Variants in COL13A1 observed in about 807,000 individuals in gnomAD.
The protein encoded by COL13A1 is collagen alpha-1(XIII) chain.
A neutral mutation model predicts 130.9 loss-of-function variants in COL13A1; 89 were observed. That is an observed-to-expected ratio of 0.68 (90% CI 0.57 to 0.81). COL13A1 has a LOEUF of 0.81. Ranked by LOEUF, COL13A1 falls within the 30% of genes least tolerant of loss-of-function variation. The pLI is 0.00. For missense variants in COL13A1, 879 were observed against 934.6 expected (o/e 0.94, Z 0.78); for synonymous variants, 402 against 341.6 (o/e 1.18, Z -1.95).
intron 7 of COL13A1, among the ~76,000 whole-genome samples, chr10:69,886,825 C>T (rs1589296991): frequency 6.6e-6 from 1 of 152,166 alleles, no homozygotes; most frequent in African/African-American, 2.4e-5. Flanking sequence ...CTTCTAGTCT[C>T]CGTCCTAAAT....
chr10:69,897,532 G>A (rs1449472223), intron 13 of COL13A1: 1 of 1,613,914 alleles, frequency 6.2e-7, no homozygotes, highest in Non-Finnish European at 8.5e-7. Context: ...TGCCCTGAAG[G>A]TTTGTAGGTT....
chr10:69,806,549 G>A (rs945983181), intron 1 of COL13A1, among the ~76,000 whole-genome samples: 2 of 152,204 alleles, frequency 1.3e-5, no homozygotes, highest in Admixed American at 6.5e-5. Flanking sequence ...CCCCATCAGC[G>A]CCTCTCTCCT....
intron 2 of COL13A1, among the ~76,000 whole-genome samples, chr10:69,846,691 C>G (rs1853201717): frequency 6.6e-6 from 1 of 152,240 alleles, no homozygotes; most frequent in African/African-American, 2.4e-5. Flanking sequence ...CTTCCTCCCT[C>G]CAGTGCTCCC....
At chr10:69,943,006 C>A (rs1203677861) in intron 35 of COL13A1, among the ~76,000 whole-genome samples, 52 of 152,316 alleles carry the variant, frequency 3.4e-4, no homozygotes, top group Non-Finnish European at 1.2e-4. Flanking sequence ...CACCACCATG[C>A]CGGACTAAAT....
chr10:69,852,752 G>A (rs765373448), intron 2 of COL13A1, among the ~76,000 whole-genome samples: 5 of 152,272 alleles, frequency 3.3e-5, no homozygotes, highest in African/African-American at 7.2e-5. Context: ...CCCATTTTGG[G>A]AGACCCCAGT....
chr10:69,942,351 C>T (rs949468554), intron 35 of COL13A1, among the ~76,000 whole-genome samples: 3 of 152,130 alleles, frequency 2.0e-5, no homozygotes, highest in African/African-American at 7.2e-5. Flanking sequence ...TGGCTTTGCT[C>T]CTTCGCCACA....
rs200604251 is a variant in COL13A1 at position 69,944,172 on chromosome 10, C to T, written c.1962C>T (p.Gly654=). The T allele has an allele frequency of 3.4e-5, 55 of 1,613,454 alleles. No homozygotes were observed. The highest frequency in any genetic ancestry group is 4.6e-5 in the Non-Finnish European group (54 of 1,179,688). ...TTCCAGGCCCAGCGGGACCAAAGGG[C>T]GAGAGGGTGAGTGTCACTGAGCCAG... The part of the protein sequence containing the change: ...IGVPGPAGPK[G]ERGSKGDPGM... The change falls in exon 36 of 41, where the codon GGC becomes GGT. Residue 654 remains glycine (G), a synonymous_variant. Coordinates refer to ENST00000645393, the MANE Select transcript of COL13A1 (RefSeq NM_001368882.1).
intron 4 of COL13A1, among the ~76,000 whole-genome samples, chr10:69,873,373 C>A (rs1433115059): frequency 6.6e-6 from 1 of 152,202 alleles, no homozygotes; most frequent in Admixed American, 6.5e-5. Flanking sequence ...AGAGCCCCAG[C>A]ACAAAGGAGG....
intron 4 of COL13A1, among the ~76,000 whole-genome samples, chr10:69,873,653 T>G (rs543497371): frequency 1.3e-5 from 2 of 152,286 alleles, no homozygotes; most frequent in South Asian, 2.1e-4. Context: ...TGAAATATCA[T>G]TCAAAAGCCC....
chr10:69,945,510 G>A (rs2068368052), intron 36 of COL13A1, among the ~76,000 whole-genome samples, 161 bp from the exon 37 acceptor site: 1 of 152,186 alleles, frequency 6.6e-6, no homozygotes, highest in Non-Finnish European at 1.5e-5. Flanking sequence ...CCAAGGCAGT[G>A]TTCGCATCAG....
chr10:69,917,450 C>T, intron 18 of COL13A1, 117 bp downstream of exon 18: 1 of 894,416 alleles, frequency 1.1e-6, no homozygotes, highest in Non-Finnish European at 1.7e-6. Flanking sequence ...CTCCTTCTGC[C>T]TGCCCTGGTT....
At chr10:69,910,861 T>C (rs979395031) in intron 17 of COL13A1, among the ~76,000 whole-genome samples, 1 of 151,794 alleles carries the variant, frequency 6.6e-6, no homozygotes, top group African/African-American at 2.4e-5. Flanking sequence ...AACTGGTCTG[T>C]CTGTCTCACT....
Position 69,802,852 on chromosome 10 carries a change from G to A in COL13A1, c.294+135G>A, listed in dbSNP as rs1435292281. Reference sequence around the variant, plus strand: ...TTCGCGCGAGTTGCCTGCGGGAGGGGTCGGGGACACGGACAGACGCTGCCC... The same window carrying A: ...TTCGCGCGAGTTGCCTGCGGGAGGGATCGGGGACACGGACAGACGCTGCCC... On this transcript the variant is annotated intron_variant, in intron 1 of 40. Coordinates refer to ENST00000645393, the MANE Select transcript of COL13A1 (RefSeq NM_001368882.1). The A allele has an allele frequency of 3.4e-6, 4 of 1,170,426 alleles. No individual in the cohort carries two copies. In the East Asian group the frequency reaches 7.5e-5, roughly 22 times the overall value. The allele number at this position is 1,170,426 out of a possible 1,614,324, so 72.5% of individuals were successfully genotyped here.
intron 2 of COL13A1, among the ~76,000 whole-genome samples, chr10:69,848,146 G>C (rs919542608): frequency 6.6e-6 from 1 of 152,176 alleles, no homozygotes; most frequent in African/African-American, 2.4e-5. Flanking sequence ...GGGGCTCTGG[G>C]GGAGGGGTCA....
chr10:69,903,634 G>A (rs2062429875), intron 15 of COL13A1, among the ~76,000 whole-genome samples: 1 of 152,214 alleles, frequency 6.6e-6, no homozygotes, highest in Admixed American at 6.5e-5. Flanking sequence ...CAGGTAAAGG[G>A]CAAAATGCTT....
intron 1 of COL13A1, among the ~76,000 whole-genome samples, chr10:69,804,097 G>T (rs1325605385): frequency 3.9e-5 from 6 of 152,166 alleles, no homozygotes; most frequent in Non-Finnish European, 8.8e-5. Flanking sequence ...AGGGAATCCG[G>T]AGAACTCCAT....
At chr10:69,803,916 C>T (rs535917618) in intron 1 of COL13A1, among the ~76,000 whole-genome samples, 108 of 152,278 alleles carry the variant, frequency 7.1e-4, no homozygotes, top group African/African-American at 2.5e-3. Flanking sequence ...TAGCCAGGCT[C>T]TTCTCAGCTG....
At chr10:69,911,920 C>G (rs570841706) in intron 17 of COL13A1, among the ~76,000 whole-genome samples, 13 of 152,204 alleles carry the variant, frequency 8.5e-5, no homozygotes, top group South Asian at 2.1e-4. Flanking sequence ...TGCACCCCTC[C>G]GGCTCCTGTA....
intron 17 of COL13A1, among the ~76,000 whole-genome samples, chr10:69,914,130 C>T (rs986170981): frequency 6.6e-6 from 1 of 152,170 alleles, no homozygotes; most frequent in Non-Finnish European, 1.5e-5. Context: ...CAGTTTCTTC[C>T]AGGATTGGAG....
Sources: gnomAD v4.1 joint callset for allele counts (sites outside exome capture counted in the v4.1 genomes callset) on GRCh38, gnomAD v4.1.1 for gene constraint, MANE v1.5 for transcripts, NCBI Gene and HGNC (gene_info 2026-07-23, HGNC 2026-07-21) for gene names.